The following TDRD10 variants were observed in gnomAD, a reference collection of about 807,000 sequenced individuals.
TDRD10 encodes the protein tudor domain-containing protein 10.
TDRD10 carries 40 observed loss-of-function variants against 48.0 expected under a neutral mutation model. The ratio of observed to expected loss-of-function variants is 0.83; its 90% confidence interval spans 0.65 to 1.09. The LOEUF is 1.09. Ranked by LOEUF, TDRD10 falls within the 50% of genes least tolerant of loss-of-function variation. The pLI is 0.00. For missense variants in TDRD10, 378 were observed against 434.7 expected (o/e 0.87, Z 1.16); for synonymous variants, 162 against 170.4 (o/e 0.95, Z 0.38).
chr1:154,538,165 C>A (rs901248953), intron 6 of TDRD10, among the ~76,000 whole-genome samples: 4 of 152,086 alleles, frequency 2.6e-5, no homozygotes, highest in Non-Finnish European at 4.4e-5. Flanking sequence ...ATAATTAGAC[C>A]AAAAATGATG....
chr1:154,509,516 G>A (rs111556614), intron 4 of TDRD10, among the ~76,000 whole-genome samples: 123 of 152,284 alleles, frequency 8.1e-4, no homozygotes, highest in Non-Finnish European at 1.5e-3. Context: ...CACAGACCTA[G>A]TGAGTGGTCA....
chr1:154,527,235 AG>A (rs1430325942), intron 6 of TDRD10, among the ~76,000 whole-genome samples: 2 of 152,224 alleles, frequency 1.3e-5, no homozygotes, highest in Non-Finnish European at 2.9e-5. Flanking sequence ...ATATTTGTTG[AG>A]TCTGTGGATG....
chr1:154,529,429 T>A (rs1231831582), intron 6 of TDRD10, among the ~76,000 whole-genome samples: 1 of 152,136 alleles, frequency 6.6e-6, no homozygotes, highest in Non-Finnish European at 1.5e-5. Flanking sequence ...CAAGAGGAGA[T>A]GGAAGATGTA....
intron 4 of TDRD10, among the ~76,000 whole-genome samples, chr1:154,509,048 T>C (rs1693303235): frequency 6.7e-6 from 1 of 149,396 alleles, no homozygotes; most frequent in Non-Finnish European, 1.5e-5. Context: ...GAAATACAGA[T>C]GAAAGGAGAA....
At chr1:154,529,113 CTT>C (rs1191826407) in intron 6 of TDRD10, among the ~76,000 whole-genome samples, 1 of 151,788 alleles carries the variant, frequency 6.6e-6, no homozygotes, top group African/African-American at 2.4e-5. Context: ...GAGTTTTGCT[CTT>C]GTTACCCAGG....
At chr1:154,521,607 GGTGAAGTCAGGGAAC>G in intron 6 of TDRD10, 128 bp downstream of exon 6, 1 of 1,030,904 alleles carries the variant, frequency 9.7e-7, no homozygotes, top group Admixed American at 2.5e-5. Flanking sequence ...CAGGGTCTCG[GGTGAAGTCAGGGAAC>G]TTTTATGACC....
intron 6 of TDRD10, among the ~76,000 whole-genome samples, chr1:154,536,474 G>A (rs902482175): frequency 2.6e-5 from 4 of 152,204 alleles, no homozygotes; most frequent in Non-Finnish European, 5.9e-5. Flanking sequence ...AGCAGGGGGT[G>A]ACATAGCCAG....
rs369898317 is a variant in TDRD10 at position 154,517,226 on chromosome 1, T to C, written c.142-3078T>C. 1.2e-4 allele frequency among the ~76,000 whole-genome samples: 18 copies of C among 152,284 alleles called. No individual in the cohort carries two copies. The South Asian group carries it at 2.9e-3, about 25-fold the overall frequency. On this transcript the variant is annotated intron_variant, in intron 4 of 12. Transcript: ENST00000368482. ...GGGAGCTGAGGTGCTGGGCAGGTGG[T>C]TGTTGATCCCTTACCTTCTGTCTGC...
At chr1:154,515,836 T>C (rs1460507737) in intron 4 of TDRD10, among the ~76,000 whole-genome samples, 1 of 152,228 alleles carries the variant, frequency 6.6e-6, no homozygotes, top group Non-Finnish European at 1.5e-5. Flanking sequence ...TGCCTCAGCC[T>C]CCTAAGTAGG....
intron 4 of TDRD10, among the ~76,000 whole-genome samples, chr1:154,518,044 T>TA (rs1693866314): frequency 6.6e-6 from 1 of 152,242 alleles, no homozygotes. Context: ...GTGAGTGCAG[T>TA]AACCTCCTGC....
intron 4 of TDRD10, among the ~76,000 whole-genome samples, chr1:154,513,734 T>C (rs1693602971): frequency 6.6e-6 from 1 of 152,212 alleles, no homozygotes; most frequent in Non-Finnish European, 1.5e-5. Flanking sequence ...TCAAGCTCTA[T>C]AGCAGATTTG....
rs573612620 is a variant in TDRD10 at position 154,504,334 on chromosome 1, G to C, written c.-28+1305G>C. 1.5e-3 allele frequency among the ~76,000 whole-genome samples: 236 copies of C among 152,282 alleles called. 1 individual carries two copies. Among genetic ancestry groups the C allele is most frequent in the African/African-American group, 4.9e-3 (205 of 41,532 alleles). On this transcript the variant is annotated intron_variant, in intron 1 of 12. Coordinates refer to ENST00000368482, the MANE Select transcript of TDRD10 (RefSeq NM_182499.4). ...ATAAGCAACACTGCTATGAATATTT[G>C]TGGAAAAGTCTTTGTGTGGACACAT...
chr1:154,508,528 T>C, intron 4 of TDRD10, 47 bp downstream of exon 4: 2 of 1,256,400 alleles, frequency 1.6e-6, no homozygotes, highest in Non-Finnish European at 2.3e-6. Context: ...GGCCTTCCCA[T>C]ATGACTTAGT....
chr1:154,525,370 C>T (rs1694256916), intron 6 of TDRD10, among the ~76,000 whole-genome samples: 3 of 145,970 alleles, frequency 2.1e-5, no homozygotes, highest in Admixed American at 1.4e-4. Flanking sequence ...CATTTAAAAG[C>T]ATTCCTATGT....
chr1:154,540,772 A>G (rs1389831201), intron 6 of TDRD10, among the ~76,000 whole-genome samples: 1 of 152,124 alleles, frequency 6.6e-6, no homozygotes, highest in African/African-American at 2.4e-5. Context: ...ATGGCCTTGG[A>G]GAGAAGGTGG....
At chr1:154,515,563 C>T (rs1693716184) in intron 4 of TDRD10, among the ~76,000 whole-genome samples, 1 of 152,230 alleles carries the variant, frequency 6.6e-6, no homozygotes, top group South Asian at 2.1e-4. Flanking sequence ...TAGGGCCTTG[C>T]ACCTATGGCA....
chr1:154,514,820 T>C (rs927067520), intron 4 of TDRD10, among the ~76,000 whole-genome samples: 6 of 151,896 alleles, frequency 4.0e-5, no homozygotes, highest in African/African-American at 1.5e-4. Flanking sequence ...CCCATGTAGC[T>C]GGGACCACAG....
intron 6 of TDRD10, among the ~76,000 whole-genome samples, chr1:154,533,228 C>T (rs4638123): frequency 0.51 from 76,851 of 151,934 alleles, 22,574 homozygotes; most frequent in East Asian, 0.76. Flanking sequence ...TGTTGGCATG[C>T]GTGGAGGTGG....
Position 154,542,004 on chromosome 1 carries a change from C to G in TDRD10, c.370-20C>G. ...CAAATGCCACCATGGCTGAGTGAGA[C>G]CTTTCATTTTTCTTCCCAGGTGTTG... is the stretch of plus-strand genomic sequence containing the variant. On this transcript the variant is annotated intron_variant, in intron 6 of 12. Coordinates refer to ENST00000368482, the MANE Select transcript of TDRD10 (RefSeq NM_182499.4). The G allele has an allele frequency of 6.2e-7, 1 of 1,613,288 alleles. No homozygotes were observed. Among genetic ancestry groups the G allele is most frequent in the East Asian group, 2.2e-5 (1 of 44,860 alleles).
Sources: allele counts gnomAD v4.1 joint callset (sites outside exome capture counted in the v4.1 genomes callset), GRCh38; gene constraint gnomAD v4.1.1; transcripts MANE v1.5; gene names NCBI Gene and HGNC (gene_info 2026-07-23, HGNC 2026-07-21).